Variants in FRY observed in about 807,000 individuals in gnomAD.
FRY encodes FRY microtubule binding protein, also known as protein furry homolog.
Under a neutral mutation model 348.4 loss-of-function variants are expected in FRY, and 128 were observed. The ratio of observed to expected loss-of-function variants is 0.37; its 90% CI spans 0.32 to 0.43. FRY has a LOEUF of 0.43. FRY is among the 20% of genes least tolerant of loss of function. The pLI, the probability that FRY is intolerant of heterozygous loss-of-function variation, is 1.00. For synonymous variants in FRY, 1,370 were observed against 1,374.7 expected, an observed-to-expected ratio of 1.00 and a Z score of 0.08; for missense variants, 2,736 against 3,695.2, an observed-to-expected ratio of 0.74 and a Z score of 6.73.
intron 59 of FRY, among the ~76,000 whole-genome samples, chr13:32,290,791 C>T (rs1055767233): frequency 6.6e-5 from 10 of 150,910 alleles, no homozygotes; most frequent in African/African-American, 2.4e-4. Flanking sequence ...ATGTGAGACA[C>T]GGGACAAAAA....
Position 32,179,042 on chromosome 13 carries a change from A to T in FRY, c.2871+9A>T. The T allele has an allele frequency of 6.2e-7, 1 of 1,607,450 alleles. No homozygotes were observed. ...TGAGCTACGATAACAAGGTGACATGACATGCTTCAGAAGAATTATTCTGTA... is the reference window on the plus strand; with the variant it reads ...TGAGCTACGATAACAAGGTGACATGTCATGCTTCAGAAGAATTATTCTGTA... On this transcript the variant is annotated intron_variant, in intron 22 of 60. Coordinates refer to ENST00000542859, the MANE Select transcript of FRY (RefSeq NM_023037.3).
At position 32,295,400 on chromosome 13, in the gene FRY, G is replaced by C; in HGVS notation, c.8982G>C (p.Gln2994His). ...MEIRDMIRRA[Q>H]SYRVLTTFLP... Reference sequence around the variant, plus strand: ...TCCGGGACATGATCCGCAGGGCCCAGAGTTACCGAGTCCTCACTACTTTTC... The same window carrying C: ...TCCGGGACATGATCCGCAGGGCCCACAGTTACCGAGTCCTCACTACTTTTC... The change falls in exon 61 of 61, where the codon CAG becomes CAC. Residue 2994 changes from glutamine (Q) to histidine (H), a missense_variant. Coordinates refer to ENST00000542859, the MANE Select transcript of FRY (RefSeq NM_023037.3). 1 of 1,612,760 alleles carries C rather than the reference G, an allele frequency of 6.2e-7. No individual in the cohort carries two copies. The highest frequency in any genetic ancestry group is 8.5e-7 in the Non-Finnish European group (1 of 1,179,954).
intron 1 of FRY, 78 bp from the exon 2 acceptor site, chr13:32,078,756 A>G (rs2138529103): frequency 9.5e-7 from 1 of 1,054,046 alleles, no homozygotes; most frequent in East Asian, 2.4e-5. Context: ...ATATCCTGAT[A>G]TTTATGGTTT....
In FRY at chr13:32,224,335, C is replaced by T. The variant is rs371353662; in HGVS notation, c.4866C>T (p.Pro1622=). 1.9e-6 allele frequency: 3 copies of T among 1,614,036 alleles called. No homozygotes were observed. The highest frequency in any genetic ancestry group is 2.5e-6 in the Non-Finnish European group (3 of 1,179,966). Residue 1622 remains proline, a synonymous_variant, in exon 37 of 61, where the codon CCC becomes CCT. Coordinates refer to ENST00000542859, the MANE Select transcript of FRY (RefSeq NM_023037.3). ...CTTGTACTGGAGGATGCTGGGCCCC[C>T]CTGGTTGACTATCTCCCGGAGACCA... ...PMPCTGGCWA[P]LVDYLPETIT...
intron 7 of FRY, among the ~76,000 whole-genome samples, chr13:32,125,956 G>A (rs1377346199): frequency 1.3e-5 from 2 of 152,078 alleles, no homozygotes; most frequent in African/African-American, 4.8e-5. Context: ...GCATACATAA[G>A]AATTAAACAA....
chr13:32,294,718 C>A, intron 60 of FRY, 148 bp downstream of exon 60: 1 of 705,690 alleles, frequency 1.4e-6, no homozygotes, highest in Non-Finnish European at 2.5e-6. Flanking sequence ...CAGAAACACT[C>A]AGCTTTCAGA....
At chr13:32,089,307 T>C (rs1299077899) in intron 2 of FRY, among the ~76,000 whole-genome samples, 1 of 152,222 alleles carries the variant, frequency 6.6e-6, no homozygotes, top group African/African-American at 2.4e-5. Context: ...CAATATTCTA[T>C]TTGATAATAT....
intron 16 of FRY, among the ~76,000 whole-genome samples, chr13:32,157,829 A>G (rs953716946): frequency 9.8e-5 from 15 of 152,340 alleles, no homozygotes; most frequent in Non-Finnish European, 1.6e-4. Context: ...ATTTTAAGAA[A>G]GCATGCGTAG....
At chr13:32,040,868 C>T (rs1872720348) in intron 1 of FRY, among the ~76,000 whole-genome samples, 1 of 152,114 alleles carries the variant, frequency 6.6e-6, no homozygotes. Flanking sequence ...CAGTAGATAT[C>T]ATGTTTCAGT....
chr13:32,295,394 G>T lies in FRY; in HGVS notation c.8976G>T (p.Arg2992Ser). ...LNMEIRDMIR[R>S]AQSYRVLTTF... Reference sequence around the variant, plus strand: ...TGGAGATCCGGGACATGATCCGCAGGGCCCAGAGTTACCGAGTCCTCACTA... The same window carrying T: ...TGGAGATCCGGGACATGATCCGCAGTGCCCAGAGTTACCGAGTCCTCACTA... The change falls in exon 61 of 61, where the codon AGG (arginine) becomes AGT (serine). Residue 2992 changes from arginine to serine, a missense_variant. This residue lies in a region of FRY where 157 missense variants were observed against 215.2 expected (regional missense o/e 0.73). Transcript: ENST00000542859. 6.2e-7 allele frequency: 1 copy of T among 1,612,980 alleles called. No individual in the cohort carries two copies.
chr13:32,225,752 C>A, intron 38 of FRY, 37 bp from the exon 39 acceptor site: 1 of 1,468,388 alleles, frequency 6.8e-7, no homozygotes, highest in Non-Finnish European at 9.6e-7. Flanking sequence ...ACGAGCTTAA[C>A]GTTTGTTTAT....
chr13:32,157,218 A>C, intron 15 of FRY, 55 bp from the exon 16 acceptor site: 7 of 1,484,082 alleles, frequency 4.7e-6, no homozygotes, highest in Non-Finnish European at 6.6e-6. Context: ...TGAATAAATC[A>C]GGATATCCTT....
At chr13:32,170,041 C>G (rs1188072777) in intron 17 of FRY, among the ~76,000 whole-genome samples, 1 of 152,130 alleles carries the variant, frequency 6.6e-6, no homozygotes, top group East Asian at 1.9e-4. Context: ...CTTCTACCCA[C>G]TAGAGAAATG....
intron 8 of FRY, among the ~76,000 whole-genome samples, chr13:32,134,208 T>TA (rs539970417): frequency 2.2e-4 from 33 of 150,288 alleles, no homozygotes; most frequent in South Asian, 1.9e-3. Context: ...ACATTTTGTT[T>TA]AAAAAAAAAA....
At chr13:32,042,844 C>G (rs1486495548) in intron 1 of FRY, among the ~76,000 whole-genome samples, 1 of 152,210 alleles carries the variant, frequency 6.6e-6, no homozygotes, top group East Asian at 1.9e-4. Flanking sequence ...GGTTCAGGCC[C>G]TGGCACTGGG....
intron 2 of FRY, among the ~76,000 whole-genome samples, chr13:32,092,136 A>T (rs1876354996): frequency 6.6e-6 from 1 of 152,202 alleles, no homozygotes; most frequent in Non-Finnish European, 1.5e-5. Flanking sequence ...TTAAATGTAA[A>T]CACATTTTTA....
intron 3 of FRY, among the ~76,000 whole-genome samples, chr13:32,116,707 C>G (rs999296502): frequency 2.6e-5 from 4 of 151,842 alleles, no homozygotes; most frequent in African/African-American, 9.7e-5. Context: ...AGGACTCTTT[C>G]CAGATAAGGA....
rs77207248 is a variant in FRY, at chr13:32,222,877, T to C, written c.4766-1358T>C. 6.5e-3 allele frequency among the ~76,000 whole-genome samples: 991 copies of C among 152,336 alleles called. 14 individuals are homozygous for C. Among genetic ancestry groups the C allele is most frequent in the African/African-American group, 0.022 (933 of 41,578 alleles). On this transcript the variant is annotated intron_variant, in intron 36 of 60. Coordinates refer to ENST00000542859, the MANE Select transcript of FRY (RefSeq NM_023037.3). ...TTGTTATCGTCATCATCACTGTGAT[T>C]ATTATTTGGGTATGGGATATGAGGG...
At position 32,147,306 on chromosome 13, in the gene FRY, G is replaced by A; in HGVS notation, c.1204G>A (p.Val402Ile). The change falls in exon 12 of 61, where the codon GTT becomes ATT. Residue 402 changes from valine to isoleucine, a missense_variant. By Grantham distance (29) the Val-to-Ile change is conservative (BLOSUM62 3). Coordinates refer to ENST00000542859, the MANE Select transcript of FRY (RefSeq NM_023037.3). ...GAACAAAGATCCCAAGATGGCTCGAGTTGCACTGGAATCTCTCTACAGATT... is the reference window on the plus strand; with the variant it reads ...GAACAAAGATCCCAAGATGGCTCGAATTGCACTGGAATCTCTCTACAGATT... ...LKNKDPKMAR[V>I]ALESLYRLLW... The A allele has an allele frequency of 6.2e-7, 1 of 1,609,986 alleles. No individual in the cohort carries two copies. Among genetic ancestry groups the A allele is most frequent in the Non-Finnish European group, 8.5e-7 (1 of 1,176,274 alleles).
Sources: gnomAD v4.1 joint callset for allele counts (sites outside exome capture counted in the v4.1 genomes callset) on GRCh38, gnomAD v4.1.1 for gene constraint, gnomAD v4.1.1 regional missense constraint, MANE v1.5 for transcripts, NCBI Gene and HGNC (gene_info 2026-07-23, HGNC 2026-07-21) for gene names.